Variants in TSPAN32 observed in about 807,000 individuals in gnomAD.
The protein encoded by TSPAN32 is tetraspanin 32, also known as tetraspanin-32.
In TSPAN32, 47 loss-of-function variants were observed where a neutral mutation model predicts 42.7. The observed-to-expected ratio is 1.10, with a 90% CI of 0.87 to 1.40. The LOEUF is 1.40. Among genes scored for constraint, TSPAN32 ranks in the 40% most tolerant of loss-of-function variants. TSPAN32 has a pLI of 0.00. For missense variants in TSPAN32, 469 were observed against 424.1 expected (o/e 1.11, Z -0.93); for synonymous variants, 175 against 175.9 (o/e 0.99, Z 0.04).
chr11:2,316,477 A>G lies in TSPAN32; in HGVS notation c.628-99A>G, dbSNP rs776375426. The G allele has an allele frequency of 2.3e-5, 36 of 1,590,420 alleles. No homozygotes were observed. In the Admixed American group the frequency reaches 5.6e-4, roughly 25 times the overall value. On this transcript the variant is annotated intron_variant, in intron 7 of 9. Coordinates refer to ENST00000182290, the MANE Select transcript of TSPAN32 (RefSeq NM_139022.3). ...TGGTGTGACAGGGCCTGCCTCCTAC[A>G]GCTGGGCCGCCCCCTTACACTGCAG...
Position 2,302,224 on chromosome 11 carries a change from C to A in TSPAN32, c.66+9C>A. 7.2e-7 allele frequency: 1 copy of A among 1,384,548 alleles called. No homozygotes were observed. The highest frequency in any genetic ancestry group is 9.4e-7 in the Non-Finnish European group (1 of 1,064,390). 85.8% of individuals were successfully genotyped at this position (1,384,548 alleles called of 1,614,324 possible). A position where few individuals can be genotyped will look rare whatever the true frequency, so the allele number is the denominator to read the frequency against. On this transcript the variant is annotated intron_variant, in intron 1 of 9. Coordinates refer to ENST00000182290, the MANE Select transcript of TSPAN32 (RefSeq NM_139022.3). ...CCTGCTTCTTTATCTTGGTAACAGG[C>A]AGGTCGGGCAGGAGTGGGTGGTGGG...
In TSPAN32 at chr11:2,308,726, CT is replaced by C. The variant is rs1323103788; in HGVS notation, c.280-9del. 1 of 1,557,596 alleles carries C rather than the reference CT, an allele frequency of 6.4e-7. No homozygotes were observed. The highest frequency in any genetic ancestry group is 2.4e-5 in the East Asian group (1 of 41,642). On this transcript the variant is annotated splice_polypyrimidine_tract_variant and intron_variant, in intron 3 of 9. Coordinates refer to ENST00000182290, the MANE Select transcript of TSPAN32 (RefSeq NM_139022.3). ...GCCCTCAACAGTGACCAGCCCCGCT[CT>C]GCCCCCAGGGCTTCCTGTGCTTCTC...
intron 4 of TSPAN32, among the ~76,000 whole-genome samples, chr11:2,310,857 C>A (rs1848420162): frequency 1.3e-5 from 2 of 152,162 alleles, no homozygotes; most frequent in South Asian, 4.1e-4. Flanking sequence ...GCTTTGGTGC[C>A]AGGGCCCGGG....
Position 2,313,473 on chromosome 11 carries a change from T to C in TSPAN32, c.355-181T>C, listed in dbSNP as rs532036480. Among the ~76,000 whole-genome samples, 10 of 152,192 alleles carry C rather than the reference T, an allele frequency of 6.6e-5. No individual in the cohort carries two copies. Among genetic ancestry groups the C allele is most frequent in the Non-Finnish European group, 1.2e-4 (8 of 68,036 alleles). On this transcript the variant is annotated intron_variant, in intron 4 of 9. Transcript: ENST00000182290. The surrounding 1 kb of genome is among the most constrained non-coding windows in gnomAD (Gnocchi z 9.1). ...CCCCATCGTTGATGTTGGGAAGCAC[T>C]GTGACTGGCTGCCCAGGGACCCAGG...
At chr11:2,316,377 C>T (rs1305013747) in intron 7 of TSPAN32, 65 bp downstream of exon 7, 1 of 1,550,938 alleles carries the variant, frequency 6.4e-7, no homozygotes, top group Non-Finnish European at 8.7e-7. Flanking sequence ...CAGCCCCCGA[C>T]TCAGATGGAA....
At chr11:2,302,569 T>C in intron 1 of TSPAN32, 1 of 547,520 alleles carries the variant, frequency 1.8e-6, no homozygotes, top group Non-Finnish European at 3.3e-6. Flanking sequence ...TCACTCCCAC[T>C]CCGTAGACAC....
At chr11:2,308,270 AG>A (rs1848228196) in intron 3 of TSPAN32, among the ~76,000 whole-genome samples, 2 of 152,202 alleles carry the variant, frequency 1.3e-5, no homozygotes, top group South Asian at 4.1e-4. Flanking sequence ...TCTCCCTCTC[AG>A]GCAGTGGGGA....
rs753662640 is a variant in TSPAN32 at position 2,316,299 on chromosome 11, G to A, written c.614G>A (p.Gly205Asp). 7 of 1,600,966 alleles carry A rather than the reference G, an allele frequency of 4.4e-6. No homozygotes were observed. In the South Asian group the frequency reaches 6.7e-5, roughly 15 times the overall value. The change falls in exon 7 of 10, where the codon GGC (glycine) becomes GAC (aspartate). Residue 205 changes from glycine to aspartate, a missense_variant. Coordinates refer to ENST00000182290, the MANE Select transcript of TSPAN32 (RefSeq NM_139022.3). ...GTCGCCTCCAGCCTGACCAGCATCGGCCTGGCCCTCACGGTACCCTCTCGC... is the reference window on the plus strand; with the variant it reads ...GTCGCCTCCAGCCTGACCAGCATCGACCTGGCCCTCACGGTACCCTCTCGC... ...QQVASSLTSI[G>D]LALTVSALLF...
At chr11:2,314,817 G>A (rs1017360280) in intron 6 of TSPAN32, 6 of 541,682 alleles carry the variant, frequency 1.1e-5, no homozygotes, top group Admixed American at 6.4e-5. Flanking sequence ...CCTTTGCCCA[G>A]CTGGACGCAG....
At chr11:2,310,428 GGCCCGTGCGCCCAGCT>G (rs1848396628) in intron 4 of TSPAN32, among the ~76,000 whole-genome samples, 1 of 152,174 alleles carries the variant, frequency 6.6e-6, no homozygotes, top group Admixed American at 6.5e-5. Flanking sequence ...GTCCTTGTCT[GGCCCGTGCGCCCAGCT>G]GCCCTTCAGG....
chr11:2,305,381 C>A (rs1025000706), intron 3 of TSPAN32, among the ~76,000 whole-genome samples: 4 of 151,550 alleles, frequency 2.6e-5, no homozygotes, highest in Non-Finnish European at 3.0e-5. Context: ...CCCCCCCCCC[C>A]AGAGGGTGTG....
intron 3 of TSPAN32, among the ~76,000 whole-genome samples, chr11:2,305,528 T>C (rs1848030997): frequency 1.3e-5 from 2 of 152,224 alleles, no homozygotes; most frequent in Non-Finnish European, 2.9e-5. Context: ...GCCATGGTGC[T>C]GGGCTTGAGG....
chr11:2,307,059 G>C (rs1848160833), intron 3 of TSPAN32: 1 of 153,998 alleles, frequency 6.5e-6, no homozygotes, highest in Non-Finnish European at 1.4e-5. Flanking sequence ...GGAGAGAGAA[G>C]AGAGGAGGAG....
intron 4 of TSPAN32, chr11:2,310,151 C>T (rs1417365673): frequency 6.6e-6 from 1 of 152,266 alleles, no homozygotes; most frequent in African/African-American, 2.4e-5. Context: ...GTCTGGGTCA[C>T]AGTGTGGGTG....
intron 6 of TSPAN32, chr11:2,315,218 C>T (rs2133375631): frequency 8.4e-7 from 1 of 1,188,962 alleles, no homozygotes; most frequent in African/African-American, 1.7e-5. Context: ...CCCTACTGTC[C>T]TGGAAACAAA....
rs200439408 is a variant in TSPAN32, at chr11:2,313,765, G to A, written c.456+10G>A. 2.0e-5 allele frequency: 32 copies of A among 1,577,874 alleles called. No homozygotes were observed. The African/African-American group carries it at 3.8e-4, about 19-fold the overall frequency. Reference sequence around the variant, plus strand: ...GGCCATCCAGGACGTGGTGAGCGTGGGGACGGCTGGGTGGCAGGGCGGTCA... The same window carrying A: ...GGCCATCCAGGACGTGGTGAGCGTGAGGACGGCTGGGTGGCAGGGCGGTCA... On this transcript the variant is annotated intron_variant, in intron 5 of 9. Transcript: ENST00000182290. The surrounding 1 kb of genome is among the most constrained non-coding windows in gnomAD (Gnocchi z 9.1).
intron 6 of TSPAN32, chr11:2,315,159 C>CGG: frequency 1.4e-6 from 1 of 709,484 alleles, no homozygotes; most frequent in Non-Finnish European, 1.9e-6. Flanking sequence ...CCCGGCAGCC[C>CGG]TCCCCCAGCC....
chr11:2,317,307 C>A lies in TSPAN32; in HGVS notation c.720-37C>A, dbSNP rs765872909. On this transcript the variant is annotated intron_variant, in intron 8 of 9. Coordinates refer to ENST00000182290, the MANE Select transcript of TSPAN32 (RefSeq NM_139022.3). This position sits in a 1 kb window ranked among gnomAD's most constrained non-coding sequence, Gnocchi z 6.2. ...ATAGCCTCACAGGTCCCCTGTAGAA[C>A]ATTCCACCACAGCCCCATGATCCCC... is the stretch of plus-strand genomic sequence containing the variant. 2.6e-6 allele frequency: 4 copies of A among 1,527,060 alleles called. No individual in the cohort carries two copies. Among genetic ancestry groups the A allele is most frequent in the Non-Finnish European group, 3.6e-6 (4 of 1,122,042 alleles). The allele number at this position is 1,527,060 out of a possible 1,614,324, so 94.6% of individuals were successfully genotyped here.
intron 4 of TSPAN32, among the ~76,000 whole-genome samples, chr11:2,312,257 C>A (rs1019190520): frequency 6.6e-6 from 1 of 152,220 alleles, no homozygotes; most frequent in Non-Finnish European, 1.5e-5. Flanking sequence ...TCCGAGCCAA[C>A]CCCCGGGCCC....
Sources: gnomAD v4.1 joint callset for allele counts (sites outside exome capture counted in the v4.1 genomes callset) on GRCh38, gnomAD v4.1.1 for gene constraint, Gnocchi (gnomAD v3.1) non-coding constraint, MANE v1.5 for transcripts, NCBI Gene and HGNC (gene_info 2026-07-23, HGNC 2026-07-21) for gene names.